PBX1: variants seen among roughly 807,000 people sequenced by gnomAD.
PBX1 encodes the protein PBX homeobox 1, also known as pre-B-cell leukemia transcription factor 1.
Under a neutral mutation model 53.4 loss-of-function variants are expected in PBX1, and 6 were observed. The ratio of observed to expected loss-of-function variants is 0.11; its 90% confidence interval spans 0.06 to 0.22. The LOEUF (loss-of-function observed/expected upper bound fraction) is 0.22. PBX1 is among the 10% of genes least tolerant of loss of function. The pLI is 1.00. For synonymous variants in PBX1, 204 were observed against 212.3 expected, an observed-to-expected ratio of 0.96 and a Z score of 0.34; for missense variants, 251 against 551.4, an observed-to-expected ratio of 0.46 and a Z score of 5.46.
intron 2 of PBX1, chr1:164,770,828 G>A (rs1321775819): frequency 6.6e-6 from 1 of 152,200 alleles, no homozygotes; most frequent in Non-Finnish European, 1.5e-5. Flanking sequence ...AGACAGCCGT[G>A]ACCTCTGAAA....
At chr1:164,731,876 C>G (rs1665007704) in intron 2 of PBX1, among the ~76,000 whole-genome samples, 1 of 152,152 alleles carries the variant, frequency 6.6e-6, no homozygotes, top group African/African-American at 2.4e-5. Flanking sequence ...CGCCTGGGCC[C>G]CTGCTGCCAC....
intron 2 of PBX1, among the ~76,000 whole-genome samples, chr1:164,594,465 T>C (rs1655618688): frequency 6.6e-6 from 1 of 152,106 alleles, no homozygotes; most frequent in South Asian, 2.1e-4. Context: ...GTATTTTTAG[T>C]GGAGACGGGG....
chr1:164,741,697 G>A (rs1189541656), intron 2 of PBX1, among the ~76,000 whole-genome samples: 1 of 151,582 alleles, frequency 6.6e-6, no homozygotes, highest in Non-Finnish European at 1.5e-5. Flanking sequence ...ACCACTGTGT[G>A]AAACTGGTAT....
intron 2 of PBX1, among the ~76,000 whole-genome samples, chr1:164,688,032 G>A (rs1662230742): frequency 6.6e-6 from 1 of 152,146 alleles, no homozygotes; most frequent in South Asian, 2.1e-4. Context: ...CGACAACCAT[G>A]GTGCTCTCTA....
intron 2 of PBX1, among the ~76,000 whole-genome samples, chr1:164,677,597 A>G (rs1661509154): frequency 6.6e-6 from 1 of 152,210 alleles, no homozygotes; most frequent in East Asian, 1.9e-4. Flanking sequence ...AAGTATAATG[A>G]TATTTCAGAG....
chr1:164,815,365 T>C (rs543353375), intron 6 of PBX1: 2 of 152,332 alleles, frequency 1.3e-5, no homozygotes, highest in African/African-American at 4.8e-5. Flanking sequence ...AACCCCAAGA[T>C]TGGAATTCTT....
At chr1:164,641,561 G>A (rs1659148731) in intron 2 of PBX1, 1 of 152,316 alleles carries the variant, frequency 6.6e-6, no homozygotes, top group South Asian at 2.1e-4. Context: ...TTATGGTGTA[G>A]CTTCAGGTCT....
intron 2 of PBX1, among the ~76,000 whole-genome samples, chr1:164,779,573 C>T (rs964379521): frequency 2.0e-5 from 3 of 152,188 alleles, no homozygotes; most frequent in Non-Finnish European, 2.9e-5. Context: ...GCAAATTTGG[C>T]TTCTAAGATG....
intron 8 of PBX1, among the ~76,000 whole-genome samples, chr1:164,824,146 T>C (rs1039816612): frequency 2.6e-5 from 4 of 152,186 alleles, no homozygotes. Flanking sequence ...GAGGACATTT[T>C]CTGGGCAGCG....
intron 5 of PBX1, among the ~76,000 whole-genome samples, chr1:164,811,101 A>G (rs769933893): frequency 3.9e-4 from 60 of 152,204 alleles, no homozygotes; most frequent in Non-Finnish European, 7.2e-4. Flanking sequence ...TTGTAATTAT[A>G]TAAAAACATC....
chr1:164,811,794 A>C (rs1669625861), intron 5 of PBX1, among the ~76,000 whole-genome samples, 196 bp from the exon 6 acceptor site: 1 of 152,188 alleles, frequency 6.6e-6, no homozygotes, highest in Admixed American at 6.5e-5. Context: ...AGTTATATTA[A>C]ACAAGAGAAT....
intron 5 of PBX1, among the ~76,000 whole-genome samples, chr1:164,810,557 C>T (rs568247069): frequency 6.6e-6 from 1 of 152,198 alleles, no homozygotes; most frequent in Admixed American, 6.6e-5. Context: ...TTTCCCTTTT[C>T]TTTCAGCTTG....
intron 8 of PBX1, among the ~76,000 whole-genome samples, chr1:164,826,194 C>T (rs1168091850): frequency 6.6e-6 from 1 of 152,168 alleles, no homozygotes; most frequent in Admixed American, 6.5e-5. Context: ...GGACACCAGA[C>T]TAAATTGTAG....
intron 4 of PBX1, among the ~76,000 whole-genome samples, chr1:164,801,400 T>A (rs1669062130): frequency 6.6e-6 from 1 of 150,680 alleles, no homozygotes; most frequent in African/African-American, 2.5e-5. Context: ...ATCTCCATGG[T>A]AACTCCCCTA....
chr1:164,846,437 C>A, intron 8 of PBX1, 147 bp from the exon 9 acceptor site: 1 of 711,490 alleles, frequency 1.4e-6, no homozygotes, highest in Non-Finnish European at 2.5e-6. Context: ...ATATTATCAC[C>A]CACAGTAATA....
chr1:164,663,500 G>T (rs567766363), intron 2 of PBX1, among the ~76,000 whole-genome samples: 5 of 152,258 alleles, frequency 3.3e-5, no homozygotes, highest in Admixed American at 3.3e-4. Context: ...TTTGGGCTCT[G>T]GCCCATAGCT....
At chr1:164,610,104 C>T (rs1292102455) in intron 2 of PBX1, among the ~76,000 whole-genome samples, 1 of 152,220 alleles carries the variant, frequency 6.6e-6, no homozygotes, top group Non-Finnish European at 1.5e-5. Context: ...TCAGGTTTAG[C>T]ATTGAGGCAA....
rs59042806 is a variant in PBX1 at position 164,724,670 on chromosome 1, A to ATTTTT, written c.266-67789_266-67785dup. Among the ~76,000 whole-genome samples, 24 of 48,234 alleles carry ATTTTT rather than the reference A, an allele frequency of 5.0e-4. 4 individuals carry two copies. Among genetic ancestry groups the ATTTTT allele is most frequent in the Admixed American group, 1.1e-3 (3 of 2,706 alleles). 31.6% of individuals were successfully genotyped at this position (48,234 alleles called of 152,430 possible). A position where few individuals can be genotyped will look rare whatever the true frequency, so the allele number is the denominator to read the frequency against. On this transcript the variant is annotated intron_variant, in intron 2 of 8. Coordinates refer to ENST00000420696, the MANE Select transcript of PBX1 (RefSeq NM_002585.4). Reference sequence around the variant, plus strand: ...CAGATGCCCATTGCAATAGCTGCAGATTTTTTTTTTTTTTTTTTTTTTTTT... The same window carrying ATTTTT: ...CAGATGCCCATTGCAATAGCTGCAGATTTTTTTTTTTTTTTTTTTTTTTTTTTTTT...
chr1:164,561,206 A>T (rs1398449838), intron 1 of PBX1, among the ~76,000 whole-genome samples: 1 of 152,206 alleles, frequency 6.6e-6, no homozygotes, highest in Non-Finnish European at 1.5e-5. Flanking sequence ...TATACTTCAG[A>T]TGACTTGGTT....
Sources: gnomAD v4.1 joint callset for allele counts (sites outside exome capture counted in the v4.1 genomes callset) on GRCh38, gnomAD v4.1.1 for gene constraint, MANE v1.5 for transcripts, NCBI Gene and HGNC (gene_info 2026-07-23, HGNC 2026-07-21) for gene names.